MRPL3: variants seen among roughly 807,000 people sequenced by gnomAD.
MRPL3 encodes the protein large ribosomal subunit protein uL3m.
Under a neutral mutation model 44.3 loss-of-function variants are expected in MRPL3, and 43 were observed. The ratio of observed to expected loss-of-function variants is 0.97; its 90% CI spans 0.76 to 1.25. The LOEUF (loss-of-function observed/expected upper bound fraction) is 1.25. Ranked by LOEUF, MRPL3 falls within the 50% of genes most tolerant of loss-of-function variation. MRPL3 has a pLI of 0.00. For synonymous variants in MRPL3, 171 were observed against 152.3 expected (o/e 1.12, Z -0.91); for missense variants, 406 against 427.6 (o/e 0.95, Z 0.45).
At chr3:131,473,711 C>CT (rs1933790285) in intron 6 of MRPL3, among the ~76,000 whole-genome samples, 1 of 151,524 alleles carries the variant, frequency 6.6e-6, no homozygotes, top group Non-Finnish European at 1.5e-5. Context: ...ACTCAAACAA[C>CT]TAAAAAAAAA....
At chr3:131,495,819 G>A (rs986386629) in intron 4 of MRPL3, among the ~76,000 whole-genome samples, 1 of 151,924 alleles carries the variant, frequency 6.6e-6, no homozygotes, top group Admixed American at 6.6e-5. Flanking sequence ...TTTTTCTTGA[G>A]AATTAAAATA....
At chr3:131,478,506 A>G (rs1318439510) in intron 6 of MRPL3, among the ~76,000 whole-genome samples, 2 of 152,136 alleles carry the variant, frequency 1.3e-5, no homozygotes, top group African/African-American at 4.8e-5. Flanking sequence ...AACTGGATCC[A>G]ACCTGACTTC....
intron 6 of MRPL3, among the ~76,000 whole-genome samples, chr3:131,478,074 ATC>A (rs1933895067): frequency 6.6e-6 from 1 of 152,212 alleles, no homozygotes; most frequent in South Asian, 2.1e-4. Context: ...CATATTGCCT[ATC>A]TCCAATTTAG....
At chr3:131,468,049 C>CA (rs56928817) in intron 9 of MRPL3, 42 bp downstream of exon 9, 6,826 of 854,034 alleles carry the variant, frequency 8.0e-3, no homozygotes, top group East Asian at 0.015. Context: ...GAGTAAGAAA[C>CA]AAAAAAAAAA....
chr3:131,480,734 C>A (rs926806292), intron 6 of MRPL3, among the ~76,000 whole-genome samples: 3 of 152,178 alleles, frequency 2.0e-5, no homozygotes, highest in African/African-American at 7.2e-5. Flanking sequence ...CACAAATTTT[C>A]TGAAGGTCTT....
chr3:131,490,411 C>A (rs1371988623), intron 4 of MRPL3, among the ~76,000 whole-genome samples: 1 of 152,122 alleles, frequency 6.6e-6, no homozygotes, highest in Non-Finnish European at 1.5e-5. Flanking sequence ...GAATTAAGAA[C>A]CCAAACCCCG....
intron 2 of MRPL3, 91 bp downstream of exon 2, chr3:131,501,440 T>A: frequency 9.4e-7 from 1 of 1,061,416 alleles, no homozygotes; most frequent in Non-Finnish European, 1.4e-6. Context: ...ATTCAAGAAA[T>A]GATAAATTAT....
At chr3:131,497,272 T>C (rs988975494) in intron 4 of MRPL3, among the ~76,000 whole-genome samples, 3 of 152,248 alleles carry the variant, frequency 2.0e-5, no homozygotes, top group Non-Finnish European at 4.4e-5. Flanking sequence ...TTAACTGCGT[T>C]AGCCTCAGAG....
intron 2 of MRPL3, among the ~76,000 whole-genome samples, chr3:131,501,254 C>T (rs1424353206): frequency 6.6e-6 from 1 of 152,192 alleles, no homozygotes. Flanking sequence ...GACTTATATT[C>T]TTTTTAGCTG....
chr3:131,470,697 C>T (rs535497072), intron 7 of MRPL3, among the ~76,000 whole-genome samples: 1 of 152,178 alleles, frequency 6.6e-6, no homozygotes, highest in South Asian at 2.1e-4. Flanking sequence ...CCTCCCCCAC[C>T]AAACAGTATA....
Position 131,471,276 on chromosome 3 carries a change from A to G in MRPL3, c.633T>C (p.Ile211=). 1 of 1,606,050 alleles carries G rather than the reference A, an allele frequency of 6.2e-7. No individual in the cohort carries two copies. Among genetic ancestry groups the G allele is most frequent in the Non-Finnish European group, 8.5e-7 (1 of 1,172,832 alleles). ...GQYVDVTAKT[I]GKGFQGVMKR... is the part of the protein sequence containing the mutation. ...TCATGACACCTTGAAAACCTTTACC[A>G]ATACTGAACAAAACAAACGTTAGAA... The change falls in exon 7 of 10, where the codon ATT becomes ATC. Residue 211 remains isoleucine, a synonymous_variant. Coordinates refer to ENST00000264995, the MANE Select transcript of MRPL3 (RefSeq NM_007208.4).
intron 6 of MRPL3, among the ~76,000 whole-genome samples, chr3:131,480,748 C>A (rs561085335): frequency 6.6e-5 from 10 of 152,298 alleles, no homozygotes; most frequent in African/African-American, 2.4e-4. Context: ...AGGTCTTCAG[C>A]CACATAATGT....
At chr3:131,475,133 T>A (rs957513790) in intron 6 of MRPL3, among the ~76,000 whole-genome samples, 2 of 152,140 alleles carry the variant, frequency 1.3e-5, no homozygotes, top group African/African-American at 4.8e-5. Context: ...TTTTACTAGA[T>A]AATACATCAA....
intron 8 of MRPL3, among the ~76,000 whole-genome samples, chr3:131,468,377 C>T (rs1049104170): frequency 1.3e-4 from 20 of 152,118 alleles, no homozygotes; most frequent in African/African-American, 4.8e-4. Flanking sequence ...TAGTAGAAAA[C>T]TCTCATTTTA....
chr3:131,497,537 T>G (rs1000347017), intron 4 of MRPL3, among the ~76,000 whole-genome samples: 9 of 152,346 alleles, frequency 5.9e-5, no homozygotes, highest in Admixed American at 3.3e-4. Flanking sequence ...AGATGTTTAC[T>G]GAAAACCATC....
At chr3:131,471,924 C>T (rs142377367) in intron 6 of MRPL3, among the ~76,000 whole-genome samples, 1 of 152,068 alleles carries the variant, frequency 6.6e-6, no homozygotes, top group South Asian at 2.1e-4. Flanking sequence ...CAGCTATTAA[C>T]GAAGGACCTG....
chr3:131,478,765 G>T (rs1331353642), intron 6 of MRPL3, among the ~76,000 whole-genome samples: 1 of 145,700 alleles, frequency 6.9e-6, no homozygotes, highest in African/African-American at 2.6e-5. Flanking sequence ...CTGGAGTATA[G>T]CGGTGTGATC....
chr3:131,487,600 G>C (rs895127028), intron 6 of MRPL3, 80 bp downstream of exon 6: 2 of 1,090,644 alleles, frequency 1.8e-6, no homozygotes, highest in African/African-American at 1.6e-5. Context: ...TGACTTGAAA[G>C]ACTGTACTTC....
chr3:131,488,028 T>TTG (rs1934169151), intron 5 of MRPL3, among the ~76,000 whole-genome samples: 1 of 152,220 alleles, frequency 6.6e-6, no homozygotes, highest in African/African-American at 2.4e-5. Context: ...TTTTAGTGAA[T>TTG]AACAGTATAC....
Sources: gnomAD v4.1 joint callset for allele counts (sites outside exome capture counted in the v4.1 genomes callset) on GRCh38, gnomAD v4.1.1 for gene constraint, MANE v1.5 for transcripts, NCBI Gene and HGNC (gene_info 2026-07-23, HGNC 2026-07-21) for gene names.